Variants in CNTN5 observed in about 807,000 individuals in gnomAD.
The protein encoded by CNTN5 is contactin-5.
CNTN5 carries 77 observed loss-of-function variants against 129.1 expected under a neutral mutation model. That is an observed-to-expected ratio of 0.60 (90% CI 0.50 to 0.72). The LOEUF (loss-of-function observed/expected upper bound fraction) is 0.72, where lower values mean the gene tolerates loss of function less well. Among genes scored for constraint, CNTN5 ranks in the 30% least tolerant of loss-of-function variants. The pLI, the probability that CNTN5 is intolerant of heterozygous loss-of-function variation, is 0.00. For missense variants in CNTN5, 1,478 were observed against 1,328.8 expected (o/e 1.11, Z -1.75); for synonymous variants, 509 against 465.6 (o/e 1.09, Z -1.20).
intron 9 of CNTN5, among the ~76,000 whole-genome samples, chr11:100,059,276 C>T (rs1488577656): frequency 6.6e-6 from 1 of 151,964 alleles, no homozygotes; most frequent in Non-Finnish European, 1.5e-5. Context: ...TAAAATGATA[C>T]AAAATGCTAC....
intron 1 of CNTN5, among the ~76,000 whole-genome samples, chr11:99,129,047 C>G (rs77583348): frequency 6.6e-6 from 1 of 152,154 alleles, no homozygotes; most frequent in African/African-American, 2.4e-5. Context: ...CCAGAAATGC[C>G]TCTTCTTCTC....
At chr11:99,606,518 C>G (rs1396327004) in intron 3 of CNTN5, among the ~76,000 whole-genome samples, 1 of 143,412 alleles carries the variant, frequency 7.0e-6, no homozygotes, top group African/African-American at 2.6e-5. Flanking sequence ...AATGGCCATA[C>G]TGCCCAAGGT....
chr11:99,673,940 T>A (rs1953159783), intron 3 of CNTN5, among the ~76,000 whole-genome samples: 1 of 152,170 alleles, frequency 6.6e-6, no homozygotes, highest in African/African-American at 2.4e-5. Context: ...TATATTATAA[T>A]AGAACAATTT....
At chr11:99,641,693 A>G (rs1790266) in intron 3 of CNTN5, among the ~76,000 whole-genome samples, 91,365 of 151,976 alleles carry the variant, frequency 0.6, 28,306 homozygotes, top group Admixed American at 0.69. Context: ...CAGGATCCAT[A>G]GTATTCCATT....
chr11:99,660,960 C>T (rs1409438284), intron 3 of CNTN5, among the ~76,000 whole-genome samples: 7 of 151,898 alleles, frequency 4.6e-5, no homozygotes, highest in Non-Finnish European at 7.4e-5. Flanking sequence ...TTACTAGCAT[C>T]TGGGAAAATA....
At chr11:99,970,136 C>T (rs1273936176) in intron 8 of CNTN5, among the ~76,000 whole-genome samples, 1 of 152,104 alleles carries the variant, frequency 6.6e-6, no homozygotes, top group African/African-American at 2.4e-5. Context: ...CATTCTTAGC[C>T]ATTCCTTTCT....
chr11:99,616,132 G>T (rs1950753941), intron 3 of CNTN5, among the ~76,000 whole-genome samples: 1 of 152,054 alleles, frequency 6.6e-6, no homozygotes, highest in South Asian at 2.1e-4. Flanking sequence ...TTATAGATTT[G>T]TATAAGTCAA....
chr11:99,723,947 C>T (rs1429778488), intron 3 of CNTN5, among the ~76,000 whole-genome samples: 1 of 152,180 alleles, frequency 6.6e-6, no homozygotes. Flanking sequence ...TCAGTCTAAT[C>T]TAAAGCTTAA....
chr11:99,458,111 G>A (rs998498232), intron 2 of CNTN5, among the ~76,000 whole-genome samples: 1 of 151,726 alleles, frequency 6.6e-6, no homozygotes, highest in African/African-American at 2.4e-5. Context: ...TATTTGTATT[G>A]CATCTGTTAA....
At chr11:99,655,480 A>C (rs944337171) in intron 3 of CNTN5, among the ~76,000 whole-genome samples, 2 of 152,114 alleles carry the variant, frequency 1.3e-5, no homozygotes, top group Non-Finnish European at 2.9e-5. Context: ...AATCTCTTGC[A>C]TGCTTCCTTC....
chr11:99,040,880 A>G (rs991712961), intron 1 of CNTN5, among the ~76,000 whole-genome samples: 14 of 152,140 alleles, frequency 9.2e-5, no homozygotes, highest in Non-Finnish European at 1.9e-4. Flanking sequence ...ATTTAGCATT[A>G]ACATTTCTTT....
At chr11:99,758,874 T>C (rs185239646) in intron 3 of CNTN5, among the ~76,000 whole-genome samples, 1 of 152,152 alleles carries the variant, frequency 6.6e-6, no homozygotes, top group African/African-American at 2.4e-5. Flanking sequence ...GAAAAACATG[T>C]AATAAATCTG....
At chr11:99,588,488 A>T (rs1388938687) in intron 3 of CNTN5, among the ~76,000 whole-genome samples, 35 of 152,176 alleles carry the variant, frequency 2.3e-4, no homozygotes, top group Non-Finnish European at 1.5e-5. Context: ...TTCATGGGTA[A>T]AATTAGGAAT....
At chr11:99,114,478 TTTC>T (rs1166005970) in intron 1 of CNTN5, among the ~76,000 whole-genome samples, 1 of 144,898 alleles carries the variant, frequency 6.9e-6, no homozygotes, top group Non-Finnish European at 1.5e-5. Flanking sequence ...TCCTTCTCCT[TTTC>T]TTCTTCTTCC....
chr11:99,192,005 A>G (rs1022868626), intron 1 of CNTN5, among the ~76,000 whole-genome samples: 1 of 151,760 alleles, frequency 6.6e-6, no homozygotes, highest in African/African-American at 2.4e-5. Flanking sequence ...ACAAAAGATC[A>G]ACTAACTTGA....
chr11:99,380,961 C>T lies in CNTN5; in HGVS notation c.-71+55477C>T, dbSNP rs187629375. Among the ~76,000 whole-genome samples the T allele has an allele frequency of 3.3e-5, 5 of 152,016 alleles. No individual in the cohort carries two copies. The East Asian group carries it at 5.8e-4, about 18-fold the overall frequency. On this transcript the variant is annotated intron_variant, in intron 2 of 24. Coordinates refer to ENST00000524871, the MANE Select transcript of CNTN5 (RefSeq NM_014361.4). ...CTGTTTAAATATTGGAAACGTCCAACGGATTTAAGAAGTACCAAAATCTGA... is the reference window on the plus strand; with the variant it reads ...CTGTTTAAATATTGGAAACGTCCAATGGATTTAAGAAGTACCAAAATCTGA...
chr11:99,853,469 G>A (rs951398923), intron 6 of CNTN5, among the ~76,000 whole-genome samples: 2 of 151,668 alleles, frequency 1.3e-5, no homozygotes, highest in African/African-American at 2.4e-5. Flanking sequence ...GTGCATTCTC[G>A]GCTCACTGCA....
intron 8 of CNTN5, among the ~76,000 whole-genome samples, chr11:99,987,029 G>A (rs374266625): frequency 1.3e-4 from 20 of 152,138 alleles, no homozygotes; most frequent in Non-Finnish European, 2.9e-5. Flanking sequence ...ACAAAATATA[G>A]ATTTTTTCAT....
intron 3 of CNTN5, among the ~76,000 whole-genome samples, chr11:99,643,805 A>T (rs1951853838): frequency 6.6e-6 from 1 of 151,462 alleles, no homozygotes; most frequent in African/African-American, 2.4e-5. Context: ...TTTAGAAAAA[A>T]ATGAAATAAT....
Sources: gnomAD v4.1 joint callset for allele counts (sites outside exome capture counted in the v4.1 genomes callset) on GRCh38, gnomAD v4.1.1 for gene constraint, MANE v1.5 for transcripts, NCBI Gene and HGNC (gene_info 2026-07-23, HGNC 2026-07-21) for gene names.